SNTG1: variants seen among roughly 807,000 people sequenced by gnomAD.
The protein encoded by SNTG1 is syntrophin gamma 1, also known as gamma-1-syntrophin.
In SNTG1, 39 loss-of-function variants were observed where a neutral mutation model predicts 74.7. The observed-to-expected ratio is 0.52, with a 90% CI of 0.40 to 0.68. The LOEUF (loss-of-function observed/expected upper bound fraction) is 0.68, where lower values mean the gene tolerates loss of function less well. Among genes scored for constraint, SNTG1 ranks in the 30% least tolerant of loss-of-function variants. SNTG1 has a pLI of 0.00. For synonymous variants in SNTG1, 254 were observed against 217.1 expected (o/e 1.17, Z -1.49); for missense variants, 685 against 609.5 (o/e 1.12, Z -1.30).
intron 1 of SNTG1, among the ~76,000 whole-genome samples, chr8:49,963,821 T>A (rs557443406): frequency 2.0e-4 from 31 of 152,378 alleles, no homozygotes; most frequent in African/African-American, 7.2e-4. Flanking sequence ...CATTTTCTTC[T>A]CTGTTTTCCA....
intron 15 of SNTG1, among the ~76,000 whole-genome samples, chr8:50,703,239 T>C (rs2095432223): frequency 6.6e-6 from 1 of 152,230 alleles, no homozygotes; most frequent in South Asian, 2.1e-4. Flanking sequence ...ACACATTATG[T>C]AGCTGTACAA....
chr8:50,405,113 G>A (rs549200907), intron 4 of SNTG1, among the ~76,000 whole-genome samples: 2 of 152,180 alleles, frequency 1.3e-5, no homozygotes, highest in Admixed American at 6.5e-5. Context: ...CTAGGAACAT[G>A]GGTGTACAAA....
At chr8:49,943,156 C>G (rs1407075145) in intron 1 of SNTG1, among the ~76,000 whole-genome samples, 1 of 152,018 alleles carries the variant, frequency 6.6e-6, no homozygotes, top group Non-Finnish European at 1.5e-5. Context: ...CCACCCTGTT[C>G]AAAAAGAAGT....
At chr8:50,574,144 A>G (rs2094564059) in intron 12 of SNTG1, among the ~76,000 whole-genome samples, 1 of 152,118 alleles carries the variant, frequency 6.6e-6, no homozygotes, top group Non-Finnish European at 1.5e-5. Flanking sequence ...GCTCAAGGTC[A>G]TTACCAAGGT....
intron 8 of SNTG1, among the ~76,000 whole-genome samples, chr8:50,468,562 G>A (rs2093627554): frequency 6.6e-6 from 1 of 152,094 alleles, no homozygotes; most frequent in South Asian, 2.1e-4. Context: ...AGAAGTTAGA[G>A]TTGGGTCTTT....
At chr8:50,706,555 C>T (rs1279196274) in intron 16 of SNTG1, among the ~76,000 whole-genome samples, 2 of 152,036 alleles carry the variant, frequency 1.3e-5, no homozygotes, top group Non-Finnish European at 2.9e-5. Context: ...TGAATCTGGG[C>T]TTTGTATTCT....
Position 50,450,582 on chromosome 8 carries a change from G to A in SNTG1, c.304G>A (p.Gly102Arg). 4 of 1,613,396 alleles carry A rather than the reference G, an allele frequency of 2.5e-6. No individual in the cohort carries two copies. The highest frequency in any genetic ancestry group is 3.4e-6 in the Non-Finnish European group (4 of 1,179,738). ...RAELSGLLFIGDAILQINGIN... is the reference protein window; with the variant it reads ...RAELSGLLFIRDAILQINGIN... ...GGAACTTTCAGGACTACTTTTTATT[G>A]GAGATGCAATTCTACAGGTATACAT... The change falls in exon 7 of 19, where the codon GGA becomes AGA. Residue 102 changes from glycine to arginine, a missense_variant. Gly to Arg is a moderately radical substitution (Grantham distance 125). Transcript: ENST00000642720.
At chr8:50,085,002 A>C (rs1426640459) in intron 1 of SNTG1, among the ~76,000 whole-genome samples, 2 of 152,214 alleles carry the variant, frequency 1.3e-5, no homozygotes, top group African/African-American at 4.8e-5. Flanking sequence ...AAACAAAAAC[A>C]ACATGTTTGT....
chr8:50,193,495 G>A (rs952833366), intron 2 of SNTG1, among the ~76,000 whole-genome samples: 4 of 152,020 alleles, frequency 2.6e-5, no homozygotes, highest in African/African-American at 9.7e-5. Flanking sequence ...ATATAGAAGA[G>A]CTACTGATTT....
Position 49,995,672 on chromosome 8 carries a change from G to A in SNTG1, c.-103+83441G>A, listed in dbSNP as rs553704758. 3.7e-4 allele frequency among the ~76,000 whole-genome samples: 57 copies of A among 152,350 alleles called. 1 individual carries two copies. In the South Asian group the frequency reaches 0.012, roughly 31 times the overall value. On this transcript the variant is annotated intron_variant, in intron 1 of 18. Coordinates refer to ENST00000642720, the MANE Select transcript of SNTG1 (RefSeq NM_018967.5). The stretch of plus-strand genomic sequence containing the variant: ...AGTGAAAATGTTCAGGATATTGACA[G>A]AGTAGGCATTGGAATCTCTGCTCAT...
At chr8:49,979,197 G>C (rs542467951) in intron 1 of SNTG1, among the ~76,000 whole-genome samples, 2 of 152,220 alleles carry the variant, frequency 1.3e-5, no homozygotes, top group African/African-American at 4.8e-5. Flanking sequence ...TCACAATGGC[G>C]AGACGCAGAC....
chr8:50,536,914 T>C, intron 11 of SNTG1, 106 bp downstream of exon 11: 2 of 1,351,802 alleles, frequency 1.5e-6, no homozygotes, highest in Non-Finnish European at 2.0e-6. Context: ...AGTATGTTTT[T>C]GATAGTAGAA....
At chr8:50,157,722 G>A (rs1016358726) in intron 1 of SNTG1, among the ~76,000 whole-genome samples, 1 of 152,038 alleles carries the variant, frequency 6.6e-6, no homozygotes, top group Non-Finnish European at 1.5e-5. Context: ...CAAGAATTCA[G>A]CCAAGGAAAC....
chr8:50,649,698 C>A (rs1450340761), intron 13 of SNTG1, among the ~76,000 whole-genome samples: 1 of 152,138 alleles, frequency 6.6e-6, no homozygotes, highest in Non-Finnish European at 1.5e-5. Flanking sequence ...TTGAATAAGC[C>A]AAAATCTCTT....
At chr8:50,230,722 A>C (rs2085575023) in intron 2 of SNTG1, among the ~76,000 whole-genome samples, 1 of 151,314 alleles carries the variant, frequency 6.6e-6, no homozygotes, top group Non-Finnish European at 1.5e-5. Context: ...CTGGACCCTT[A>C]TCTCAGACCA....
intron 2 of SNTG1, among the ~76,000 whole-genome samples, chr8:50,389,287 A>T (rs929419413): frequency 6.6e-6 from 1 of 152,164 alleles, no homozygotes; most frequent in African/African-American, 2.4e-5. Context: ...ATGGCTATAC[A>T]TGTATACTGG....
chr8:49,917,776 T>C (rs1806173127), intron 1 of SNTG1, among the ~76,000 whole-genome samples: 1 of 152,170 alleles, frequency 6.6e-6, no homozygotes, highest in South Asian at 2.1e-4. Flanking sequence ...GCATAGATTG[T>C]AAATTCAAAT....
chr8:50,090,152 A>C (rs2079665230), intron 1 of SNTG1, among the ~76,000 whole-genome samples: 1 of 152,172 alleles, frequency 6.6e-6, no homozygotes, highest in Admixed American at 6.6e-5. Context: ...TTTCTTCTTA[A>C]ATATTATAAA....
intron 1 of SNTG1, among the ~76,000 whole-genome samples, chr8:50,056,726 C>T (rs751645541): frequency 2.0e-5 from 3 of 152,158 alleles, no homozygotes; most frequent in Non-Finnish European, 4.4e-5. Flanking sequence ...GTGCAAAGCA[C>T]CATCAGTGTT....
Sources: gnomAD v4.1 joint callset for allele counts (sites outside exome capture counted in the v4.1 genomes callset) on GRCh38, gnomAD v4.1.1 for gene constraint, MANE v1.5 for transcripts, NCBI Gene and HGNC (gene_info 2026-07-23, HGNC 2026-07-21) for gene names.